The following AGAP1 variants were observed in gnomAD, a reference collection of about 807,000 sequenced individuals.
AGAP1 encodes arf-GAP with GTPase, ANK repeat and PH domain-containing protein 1.
In AGAP1, 29 loss-of-function variants were observed where a neutral mutation model predicts 105.3. The observed-to-expected ratio is 0.28, with a 90% CI of 0.21 to 0.38. AGAP1 has a LOEUF of 0.38. Ranked by LOEUF, AGAP1 falls within the 10% of genes least tolerant of loss-of-function variation. The pLI is 1.00. For missense variants in AGAP1, 998 were observed against 1,165.1 expected (o/e 0.86, Z 2.09); for synonymous variants, 509 against 485.9 (o/e 1.05, Z -0.63).
rs1030775955 is a variant in AGAP1 at position 235,553,316 on chromosome 2, G to A, written c.163+58467G>A. Among the ~76,000 whole-genome samples, 1 of 151,958 alleles carries A rather than the reference G, an allele frequency of 6.6e-6. No individual in the cohort carries two copies. The highest frequency in any genetic ancestry group is 1.9e-4 in the East Asian group (1 of 5,168). The stretch of plus-strand genomic sequence containing the variant: ...ACGACTGGACATCTGGGAGGCAGTG[G>A]GGGTCAGAGGAAGTTGGGTTTTTTT... On this transcript the variant is annotated intron_variant, in intron 1 of 17. Transcript: ENST00000304032. The surrounding 1 kb of genome is among the most constrained non-coding windows in gnomAD (Gnocchi z 4.5).
rs1953301336 is a variant in AGAP1, at chr2:235,750,037, G to C, written c.539-317G>C. ...GCACAGAAGGGGGCCTGCACATAGG[G>C]ACTGTGTGTGTGGTTTTTCCTCCTT... is the stretch of plus-strand genomic sequence containing the variant. On this transcript the variant is annotated intron_variant, in intron 5 of 17. Coordinates refer to ENST00000304032, the MANE Select transcript of AGAP1 (RefSeq NM_001037131.3). The surrounding 1 kb of genome is among the most constrained non-coding windows in gnomAD (Gnocchi z 5.3). 2.0e-5 allele frequency among the ~76,000 whole-genome samples: 3 copies of C among 152,236 alleles called. No individual in the cohort carries two copies. Among genetic ancestry groups the C allele is most frequent in the South Asian group, 4.2e-4 (2 of 4,818 alleles).
intron 8 of AGAP1, among the ~76,000 whole-genome samples, chr2:235,806,965 T>C (rs563460745): frequency 3.3e-5 from 5 of 152,208 alleles, no homozygotes; most frequent in Admixed American, 6.5e-5. Flanking sequence ...GCCCATTGGT[T>C]TCTAGTAGTT....
chr2:235,896,596 TAAG>T lies in AGAP1; in HGVS notation c.1156-12133_1156-12131del, dbSNP rs1036423990. Among the ~76,000 whole-genome samples the T allele has an allele frequency of 1.2e-4, 18 of 152,194 alleles. 1 individual carries two copies. Among genetic ancestry groups the T allele is most frequent in the South Asian group, 4.1e-4 (2 of 4,826 alleles). ...GCATGGTGGTCTGGAAGCCATGTGA[TAAG>T]AAGAAGAAAACCACCCAGCAATGAC... On this transcript the variant is annotated intron_variant, in intron 10 of 17. Coordinates refer to ENST00000304032, the MANE Select transcript of AGAP1 (RefSeq NM_001037131.3).
chr2:235,651,920 G>C (rs766810846), intron 1 of AGAP1, among the ~76,000 whole-genome samples: 4 of 152,198 alleles, frequency 2.6e-5, no homozygotes, highest in Non-Finnish European at 5.9e-5. Context: ...AAGACAGCTT[G>C]TCTTGATGAG....
chr2:236,048,709 G>A (rs944013381), intron 15 of AGAP1, among the ~76,000 whole-genome samples: 5 of 152,208 alleles, frequency 3.3e-5, no homozygotes, highest in Non-Finnish European at 7.3e-5. Context: ...AGTGGATGCC[G>A]AGTCACACGT....
At chr2:235,679,585 A>G (rs1948951588) in intron 1 of AGAP1, among the ~76,000 whole-genome samples, 1 of 151,974 alleles carries the variant, frequency 6.6e-6, no homozygotes, top group Non-Finnish European at 1.5e-5. Context: ...TCTTATTCGG[A>G]GGAGTAGCGA....
intron 16 of AGAP1, among the ~76,000 whole-genome samples, chr2:236,075,671 T>A (rs1474565918): frequency 6.6e-6 from 1 of 152,186 alleles, no homozygotes; most frequent in Non-Finnish European, 1.5e-5. Flanking sequence ...TCTCCTCCGC[T>A]GCTTTGAGGA....
At chr2:235,768,954 A>G (rs1449401520) in intron 6 of AGAP1, among the ~76,000 whole-genome samples, 1 of 152,210 alleles carries the variant, frequency 6.6e-6, no homozygotes, top group Non-Finnish European at 1.5e-5. Context: ...CTGATCTCAG[A>G]AATAGGATTC....
At chr2:235,703,023 G>A (rs1476535133) in intron 1 of AGAP1, among the ~76,000 whole-genome samples, 1 of 144,064 alleles carries the variant, frequency 6.9e-6, no homozygotes, top group African/African-American at 2.6e-5. Context: ...CACCTCCCGG[G>A]TTTAAGCAAT....
At chr2:235,807,846 A>ACT (rs1268109853) in intron 9 of AGAP1, among the ~76,000 whole-genome samples, 3 of 152,188 alleles carry the variant, frequency 2.0e-5, no homozygotes, top group Non-Finnish European at 4.4e-5. Flanking sequence ...AGGAATTGTA[A>ACT]CTTTGATTAG....
At chr2:235,632,030 G>A (rs1243782005) in intron 1 of AGAP1, among the ~76,000 whole-genome samples, 2 of 152,184 alleles carry the variant, frequency 1.3e-5, no homozygotes, top group African/African-American at 4.8e-5. Flanking sequence ...CAGCCTCAAG[G>A]GACAGCCCAC....
chr2:235,807,130 C>G (rs911167456), intron 8 of AGAP1, 109 bp from the exon 9 acceptor site: 2 of 1,053,432 alleles, frequency 1.9e-6, no homozygotes, highest in Non-Finnish European at 2.8e-6. Flanking sequence ...ACACATAGAT[C>G]GCGCATGTTT....
chr2:235,886,889 G>A (rs1011450091), intron 10 of AGAP1, among the ~76,000 whole-genome samples: 5 of 151,642 alleles, frequency 3.3e-5, no homozygotes, highest in Non-Finnish European at 7.3e-5. Flanking sequence ...AGGTGCATAC[G>A]AGTCCGTTCT....
intron 12 of AGAP1, among the ~76,000 whole-genome samples, chr2:235,956,125 A>G (rs931573447): frequency 3.9e-5 from 6 of 152,154 alleles, no homozygotes; most frequent in Non-Finnish European, 5.9e-5. Flanking sequence ...TCTCTTTTCA[A>G]TTTAGCAGAT....
chr2:235,975,249 C>T (rs1034515525), intron 13 of AGAP1, among the ~76,000 whole-genome samples: 2 of 152,122 alleles, frequency 1.3e-5, no homozygotes, highest in Non-Finnish European at 2.9e-5. Context: ...TTACCTTTTA[C>T]CTGAGGACTT....
At chr2:235,538,622 T>C (rs928743668) in intron 1 of AGAP1, among the ~76,000 whole-genome samples, 1 of 152,042 alleles carries the variant, frequency 6.6e-6, no homozygotes, top group Admixed American at 6.5e-5. Context: ...AACTCCAGTC[T>C]CCGCCACGGA....
rs769493575 is a variant in AGAP1, at chr2:235,882,103, TTTTG to T, written c.1051-1239_1051-1236del. ...TTTTTTTGTGTTTGGTTGTTTTTGT[TTTTG>T]TTCTTTTTGGCTACAAGGTGTGTTT... On this transcript the variant is annotated intron_variant, in intron 9 of 17. Transcript: ENST00000304032. This position sits in a 1 kb window ranked among gnomAD's most constrained non-coding sequence, Gnocchi z 4.6. Among the ~76,000 whole-genome samples the T allele has an allele frequency of 3.1e-4, 47 of 152,280 alleles. No individual in the cohort carries two copies. The highest frequency in any genetic ancestry group is 5.7e-4 in the Non-Finnish European group (39 of 68,010).
intron 1 of AGAP1, among the ~76,000 whole-genome samples, chr2:235,656,751 T>C (rs1191889604): frequency 6.6e-6 from 1 of 152,224 alleles, no homozygotes; most frequent in Non-Finnish European, 1.5e-5. Context: ...CGCACCCTTC[T>C]GTAGAAGTAA....
chr2:235,800,827 C>G (rs1224853761), intron 8 of AGAP1, among the ~76,000 whole-genome samples: 3 of 152,188 alleles, frequency 2.0e-5, no homozygotes, highest in African/African-American at 7.2e-5. Context: ...CAGCCCCTCA[C>G]AGCAGGGAAT....
Sources: gnomAD v4.1 joint callset for allele counts (sites outside exome capture counted in the v4.1 genomes callset) on GRCh38, gnomAD v4.1.1 for gene constraint, Gnocchi (gnomAD v3.1) non-coding constraint, MANE v1.5 for transcripts, NCBI Gene and HGNC (gene_info 2026-07-23, HGNC 2026-07-21) for gene names.